FRS3: variants seen among roughly 807,000 people sequenced by gnomAD.
The protein encoded by FRS3 is FGFR substrate 3.
A neutral mutation model predicts 41.9 loss-of-function variants in FRS3; 17 were observed. That is an observed-to-expected ratio of 0.41 (90% CI 0.28 to 0.61). FRS3 has a LOEUF of 0.61. FRS3 is among the 20% of genes least tolerant of loss of function. FRS3 has a pLI of 0.36. For missense variants in FRS3, 619 were observed against 672.1 expected (o/e 0.92, Z 0.87); for synonymous variants, 287 against 274.5 (o/e 1.05, Z -0.45).
chr6:41,772,751 T>C, intron 5 of FRS3, 47 bp downstream of exon 5: 1 of 1,279,182 alleles, frequency 7.8e-7, no homozygotes, highest in Non-Finnish European at 1.1e-6. Context: ...TGGGCGTGTG[T>C]GTGTGTGTGT....
intron 2 of FRS3, chr6:41,777,648 C>T (rs1772438921): frequency 6.6e-6 from 1 of 152,132 alleles, no homozygotes; most frequent in African/African-American, 2.4e-5. Flanking sequence ...GTTTTAATAA[C>T]CTCAAGTGGA....
At chr6:41,776,832 C>T in intron 3 of FRS3, 90 bp downstream of exon 3, 1 of 1,038,922 alleles carries the variant, frequency 9.6e-7, no homozygotes, top group South Asian at 1.3e-5. Context: ...ATTTGATTTG[C>T]TGTTAGAGAA....
In FRS3 at chr6:41,775,429, C is replaced by T; in HGVS notation, c.243G>A (p.Gln81=). The T allele has an allele frequency of 6.2e-7, 1 of 1,611,300 alleles. No homozygotes were observed. Among genetic ancestry groups the T allele is most frequent in the Non-Finnish European group, 8.5e-7 (1 of 1,179,394 alleles). ...LFSFESGRRC[Q]TGQGIFAFKC... ...GGGCCTGGTACTCACCCTGGCCTGTCTGACATCGGCGGCCACTCTCAAAGG... is the reference window on the plus strand; with the variant it reads ...GGGCCTGGTACTCACCCTGGCCTGTTTGACATCGGCGGCCACTCTCAAAGG... Residue 81 remains glutamine, a synonymous_variant, in exon 4 of 7, where the codon CAG becomes CAA. Coordinates refer to ENST00000373018, the MANE Select transcript of FRS3 (RefSeq NM_006653.5).
chr6:41,776,070 G>A (rs758506191), intron 3 of FRS3, among the ~76,000 whole-genome samples: 20 of 152,132 alleles, frequency 1.3e-4, no homozygotes, highest in Non-Finnish European at 2.2e-4. Context: ...TGCCCTTACT[G>A]AGGGCTCCCT....
At chr6:41,776,749 G>A (rs1772420016) in intron 3 of FRS3, 173 bp downstream of exon 3, 5 of 621,440 alleles carry the variant, frequency 8.0e-6, no homozygotes, top group Non-Finnish European at 1.5e-5. Flanking sequence ...AGTGGTCTGG[G>A]CCTCTTTTCC....
At chr6:41,773,022 T>C (rs1477265764) in intron 4 of FRS3, 63 bp from the exon 5 acceptor site, 4 of 1,365,746 alleles carry the variant, frequency 2.9e-6, no homozygotes, top group African/African-American at 1.4e-5. Flanking sequence ...GCTCAACAGA[T>C]GCACAATGTG....
Position 41,779,871 on chromosome 6 carries a change from C to G in FRS3, c.-223G>C, listed in dbSNP as rs1323023545. The G allele has an allele frequency of 1.4e-5, 2 of 147,938 alleles. No homozygotes were observed. Among genetic ancestry groups the G allele is most frequent in the Admixed American group, 1.3e-4 (2 of 14,910 alleles). 9.2% of individuals were successfully genotyped at this position (147,938 alleles called of 1,614,324 possible). ...CCGCTCCCGGGTCCCGCTGCAGCAG[C>G]CGCCGCCCGCCCGGAGCTAAGGCCT... is the stretch of plus-strand genomic sequence containing the variant. On this transcript the variant is annotated 5_prime_UTR_variant, in exon 1 of 7. Coordinates refer to ENST00000373018, the MANE Select transcript of FRS3 (RefSeq NM_006653.5).
chr6:41,774,714 G>A (rs182217732), intron 4 of FRS3, among the ~76,000 whole-genome samples: 60 of 152,286 alleles, frequency 3.9e-4, no homozygotes, highest in African/African-American at 1.3e-3. Flanking sequence ...GGCTACGTGG[G>A]GTGTGCCTGT....
In FRS3 at chr6:41,777,013, A is replaced by G. The variant is rs1433242300; in HGVS notation, c.-23-3T>C. On this transcript the variant is annotated splice_polypyrimidine_tract_variant and splice_region_variant and intron_variant, in intron 2 of 6. Transcript: ENST00000373018. ...GGTGTCAGAGCAGCCAGCCTGCCCTAGGAAAAACATACAGGATATGCAGGT... is the reference window on the plus strand; with the variant it reads ...GGTGTCAGAGCAGCCAGCCTGCCCTGGGAAAAACATACAGGATATGCAGGT... 5.6e-6 allele frequency: 9 copies of G among 1,610,752 alleles called. No homozygotes were observed. In the African/African-American group the frequency reaches 9.4e-5, roughly 17 times the overall value.
At chr6:41,773,038 A>C (rs1772337541) in intron 4 of FRS3, 79 bp from the exon 5 acceptor site, 4 of 1,195,250 alleles carry the variant, frequency 3.3e-6, no homozygotes, top group Middle Eastern at 2.3e-4. Context: ...ATGTGCAGGA[A>C]ATGTCCCTCA....
chr6:41,778,869 T>C (rs55668741), intron 1 of FRS3, among the ~76,000 whole-genome samples: 86,329 of 151,472 alleles, frequency 0.57, 24,847 homozygotes, highest in Admixed American at 0.66. Flanking sequence ...AATTTCAGGA[T>C]ATCTGAGCCC....
chr6:41,778,980 T>C (rs1315299059), intron 1 of FRS3, among the ~76,000 whole-genome samples: 1 of 152,128 alleles, frequency 6.6e-6, no homozygotes, highest in African/African-American at 2.4e-5. Flanking sequence ...CCTGCATCCT[T>C]GGACAACTTC....
chr6:41,775,105 C>T (rs578036156), intron 4 of FRS3, among the ~76,000 whole-genome samples: 1 of 152,322 alleles, frequency 6.6e-6, no homozygotes, highest in Admixed American at 6.5e-5. Flanking sequence ...GTTCATTCCA[C>T]CTCTGCACAG....
In FRS3 at chr6:41,770,533, C is replaced by A; in HGVS notation, c.*86G>T. ...TGCCTTCTGCAAAGCAACCCTGAAC[C>A]CTGGGGAGGGTGGGTTCAGAGGACA... On this transcript the variant is annotated 3_prime_UTR_variant, in exon 7 of 7. Coordinates refer to ENST00000373018, the MANE Select transcript of FRS3 (RefSeq NM_006653.5). 1 of 1,399,112 alleles carries A rather than the reference C, an allele frequency of 7.1e-7. No homozygotes were observed. The highest frequency in any genetic ancestry group is 1.0e-6 in the Non-Finnish European group (1 of 990,378). 86.7% of individuals were successfully genotyped at this position (1,399,112 alleles called of 1,614,324 possible). A position where few individuals can be genotyped will look rare whatever the true frequency, so the allele number is the denominator to read the frequency against.
Position 41,776,873 on chromosome 6 carries a change from G to A in FRS3, c.66+49C>T, listed in dbSNP as rs753878750. ...GGCAACTCCATTAAATTGTGTCTGA[G>A]CCCAAGAGGCCATGTTGGGAACACA... On this transcript the variant is annotated intron_variant, in intron 3 of 6. Coordinates refer to ENST00000373018, the MANE Select transcript of FRS3 (RefSeq NM_006653.5). 7.3e-5 allele frequency: 105 copies of A among 1,429,070 alleles called. No homozygotes were observed. The South Asian group carries it at 1.1e-3, about 16-fold the overall frequency. 88.5% of individuals were successfully genotyped at this position (1,429,070 alleles called of 1,614,324 possible).
chr6:41,772,052 C>T, intron 5 of FRS3, 88 bp from the exon 6 acceptor site: 1 of 1,109,214 alleles, frequency 9.0e-7, no homozygotes, highest in Non-Finnish European at 1.3e-6. Flanking sequence ...CCTGGGACTC[C>T]TCTAATGGAG....
At chr6:41,772,624 C>T (rs1014556241) in intron 5 of FRS3, among the ~76,000 whole-genome samples, 174 bp downstream of exon 5, 2 of 152,184 alleles carry the variant, frequency 1.3e-5, no homozygotes, top group African/African-American at 4.8e-5. Flanking sequence ...CTAGCCCAGC[C>T]CAGGACTTAC....
At chr6:41,777,121 A>T in intron 2 of FRS3, 111 bp from the exon 3 acceptor site, 1 of 710,914 alleles carries the variant, frequency 1.4e-6, no homozygotes, top group Non-Finnish European at 2.5e-6. Context: ...TGTCCAAGAG[A>T]CTGTGTGATA....
At chr6:41,772,051 C>A (rs1772310437) in intron 5 of FRS3, 87 bp from the exon 6 acceptor site, 1 of 1,117,234 alleles carries the variant, frequency 9.0e-7, no homozygotes, top group Non-Finnish European at 1.3e-6. Context: ...TCCTGGGACT[C>A]CTCTAATGGA....
Sources: gnomAD v4.1 joint callset for allele counts (sites outside exome capture counted in the v4.1 genomes callset) on GRCh38, gnomAD v4.1.1 for gene constraint, MANE v1.5 for transcripts, NCBI Gene and HGNC (gene_info 2026-07-23, HGNC 2026-07-21) for gene names.